The following ROR2 variants were observed in gnomAD, a reference collection of about 807,000 sequenced individuals.
The protein encoded by ROR2 is tyrosine-protein kinase transmembrane receptor ROR2.
A neutral mutation model predicts 74.9 loss-of-function variants in ROR2; 33 were observed. That is an observed-to-expected ratio of 0.44 (90% confidence interval 0.33 to 0.59). The LOEUF (loss-of-function observed/expected upper bound fraction) is 0.59, where lower values mean the gene tolerates loss of function less well. Among genes scored for constraint, ROR2 ranks in the 20% least tolerant of loss-of-function variants. The pLI is 0.02. For missense variants in ROR2, 1,216 were observed against 1,313.8 expected (o/e 0.93, Z 1.15); for synonymous variants, 586 against 558.7 (o/e 1.05, Z -0.69).
At chr9:91,751,784 CA>C (rs1825602605) in intron 4 of ROR2, among the ~76,000 whole-genome samples, 1 of 151,982 alleles carries the variant, frequency 6.6e-6, no homozygotes, top group Non-Finnish European at 1.5e-5. Context: ...GCAAGATTCA[CA>C]AAAATGGACC....
chr9:91,933,026 C>T (rs62565753), intron 1 of ROR2, among the ~76,000 whole-genome samples: 1,546 of 152,260 alleles, frequency 0.01, 12 homozygotes, highest in Non-Finnish European at 0.014. Context: ...AGGCCAAGCA[C>T]AGTGGCCTAT....
intron 1 of ROR2, among the ~76,000 whole-genome samples, chr9:91,923,360 AT>A (rs1831320452): frequency 6.6e-6 from 1 of 152,176 alleles, no homozygotes; most frequent in South Asian, 2.1e-4. Flanking sequence ...TCTGTTTGTA[AT>A]TTTATTCAGT....
At chr9:91,850,402 T>C (rs924590850) in intron 1 of ROR2, among the ~76,000 whole-genome samples, 3 of 142,538 alleles carry the variant, frequency 2.1e-5, no homozygotes, top group African/African-American at 5.0e-5. Flanking sequence ...AATCCTGAGA[T>C]GAAGAGACGA....
At chr9:91,945,098 T>C (rs918470042) in intron 1 of ROR2, among the ~76,000 whole-genome samples, 1 of 151,744 alleles carries the variant, frequency 6.6e-6, no homozygotes, top group Non-Finnish European at 1.5e-5. Flanking sequence ...AAAAAAAAGT[T>C]AATACTACTC....
At chr9:91,914,974 G>T (rs1831092584) in intron 1 of ROR2, among the ~76,000 whole-genome samples, 1 of 152,140 alleles carries the variant, frequency 6.6e-6, no homozygotes, top group South Asian at 2.1e-4. Context: ...ACCCCTGTCA[G>T]AATATTTCCA....
chr9:91,833,981 G>T (rs1563988951), intron 1 of ROR2, among the ~76,000 whole-genome samples: 1 of 152,214 alleles, frequency 6.6e-6, no homozygotes, highest in Non-Finnish European at 1.5e-5. Flanking sequence ...GGTCAGGGAT[G>T]GTTCCAGGGA....
At chr9:91,758,054 A>C (rs551820911) in intron 2 of ROR2, among the ~76,000 whole-genome samples, 4 of 152,322 alleles carry the variant, frequency 2.6e-5, no homozygotes, top group Admixed American at 2.0e-4. Flanking sequence ...AATCACCAAC[A>C]AAAAGCCCAA....
rs555016069 is a variant in ROR2, at chr9:91,847,092, A to G, written c.98-71274T>C. The stretch of plus-strand genomic sequence containing the variant: ...TTGGGCCGGGGGGAAATGGGGGAAG[A>G]TGGAGGATGACTACAAGGAGGGAAT... On this transcript the variant is annotated intron_variant, in intron 1 of 8. Transcript: ENST00000375708. Among the ~76,000 whole-genome samples, 3 of 152,248 alleles carry G rather than the reference A, an allele frequency of 2.0e-5. No individual in the cohort carries two copies. In the East Asian group the frequency reaches 5.8e-4, roughly 29 times the overall value.
chr9:91,775,634 G>A (rs549253147), intron 2 of ROR2, 107 bp downstream of exon 2: 3 of 1,010,896 alleles, frequency 3.0e-6, no homozygotes, highest in East Asian at 4.9e-5. Context: ...GGGGCACCAA[G>A]GGGCCAGAGG....
intron 2 of ROR2, among the ~76,000 whole-genome samples, chr9:91,760,793 A>G (rs1205063769): frequency 6.6e-6 from 1 of 152,170 alleles, no homozygotes; most frequent in Non-Finnish European, 1.5e-5. Context: ...TACCCACTTC[A>G]TGATATTGAG....
chr9:91,757,650 G>A lies in ROR2; in HGVS notation c.176-91C>T, dbSNP rs1315953842. On this transcript the variant is annotated intron_variant, in intron 2 of 8. Coordinates refer to ENST00000375708, the MANE Select transcript of ROR2 (RefSeq NM_004560.4). ...GGCTCTGCTATGAACTCTTCCAAGG[G>A]AAGGTTTCGATTTTTGTCACCTACT... 3 of 1,467,694 alleles carry A rather than the reference G, an allele frequency of 2.0e-6. No homozygotes were observed. The Admixed American group carries it at 6.0e-5, about 29-fold the overall frequency. 90.9% of individuals were successfully genotyped at this position (1,467,694 alleles called of 1,614,324 possible). A position where few individuals can be genotyped will look rare whatever the true frequency, so the allele number is the denominator to read the frequency against.
At chr9:91,771,618 C>CT (rs1347285701) in intron 2 of ROR2, among the ~76,000 whole-genome samples, 1 of 152,158 alleles carries the variant, frequency 6.6e-6, no homozygotes, top group African/African-American at 2.4e-5. Flanking sequence ...TGAAGGCAAA[C>CT]TTTTCATCTG....
intron 1 of ROR2, among the ~76,000 whole-genome samples, chr9:91,919,450 G>A (rs982633281): frequency 2.0e-5 from 3 of 152,072 alleles, no homozygotes; most frequent in Admixed American, 6.5e-5. Flanking sequence ...CAAATTCCTC[G>A]CTGTCTCCGA....
At chr9:91,908,650 T>A (rs1375587218) in intron 1 of ROR2, among the ~76,000 whole-genome samples, 2 of 152,164 alleles carry the variant, frequency 1.3e-5, no homozygotes, top group East Asian at 1.9e-4. Flanking sequence ...AAGTTTAAAA[T>A]AAATTCAGCA....
chr9:91,735,606 CTTTTTTTTTTTTTTTTTTTTTTTTT>C (rs35146225), intron 5 of ROR2, among the ~76,000 whole-genome samples: 6 of 79,000 alleles, frequency 7.6e-5, no homozygotes, highest in African/African-American at 2.3e-4. Flanking sequence ...AGGGCTCTAA[CTTTTTTTTTTTTTTTTTTTTTTTTT>C]TTTTTTTTTT....
chr9:91,737,722 T>C (rs1387852167), intron 4 of ROR2, among the ~76,000 whole-genome samples: 1 of 152,190 alleles, frequency 6.6e-6, no homozygotes, highest in Admixed American at 6.5e-5. Context: ...TTGTCAAAAC[T>C]TGGAAGCAAT....
At chr9:91,763,936 T>A (rs1049364941) in intron 2 of ROR2, among the ~76,000 whole-genome samples, 13 of 152,232 alleles carry the variant, frequency 8.5e-5, no homozygotes, top group Non-Finnish European at 1.6e-4. Context: ...GGTCCACATA[T>A]GCGTAGTAAG....
intron 1 of ROR2, among the ~76,000 whole-genome samples, chr9:91,855,702 G>A (rs975426232): frequency 2.0e-5 from 3 of 152,144 alleles, no homozygotes; most frequent in African/African-American, 7.2e-5. Context: ...ATCATGACAT[G>A]GTGGCATGGA....
chr9:91,834,405 T>C (rs1174074269), intron 1 of ROR2, among the ~76,000 whole-genome samples: 1 of 152,256 alleles, frequency 6.6e-6, no homozygotes, highest in African/African-American at 2.4e-5. Flanking sequence ...GTTTGTGGTT[T>C]ATTTTTTAAT....
Sources: allele counts gnomAD v4.1 joint callset (sites outside exome capture counted in the v4.1 genomes callset), GRCh38; gene constraint gnomAD v4.1.1; transcripts MANE v1.5; gene names NCBI Gene and HGNC (gene_info 2026-07-23, HGNC 2026-07-21).